Variants in ITGAV observed in about 807,000 individuals in gnomAD.
ITGAV encodes integrin alpha-V.
A neutral mutation model predicts 143.8 loss-of-function variants in ITGAV; 76 were observed. The ratio of observed to expected loss-of-function variants is 0.53; its 90% CI spans 0.44 to 0.64. The LOEUF is 0.64. Ranked by LOEUF, ITGAV falls within the 30% of genes least tolerant of loss-of-function variation. ITGAV has a pLI of 0.00. For synonymous variants in ITGAV, 453 were observed against 446.7 expected, an observed-to-expected ratio of 1.01 and a Z score of -0.18; for missense variants, 1,193 against 1,274.7, an observed-to-expected ratio of 0.94 and a Z score of 0.98.
intron 8 of ITGAV, among the ~76,000 whole-genome samples, chr2:186,637,337 C>T (rs1454914240): frequency 6.6e-6 from 1 of 151,660 alleles, no homozygotes; most frequent in African/African-American, 2.4e-5. Context: ...CAAAAATTAG[C>T]CGGGCGCGGT....
chr2:186,664,122 C>T (rs564784571), intron 19 of ITGAV, among the ~76,000 whole-genome samples: 1 of 152,172 alleles, frequency 6.6e-6, no homozygotes, highest in African/African-American at 2.4e-5. Context: ...TCTTTGAACT[C>T]AAGGAATATC....
chr2:186,677,230 G>A lies in ITGAV; in HGVS notation c.3085G>A (p.Glu1029Lys). The A allele has an allele frequency of 6.2e-7, 1 of 1,613,778 alleles. No individual in the cohort carries two copies. Among genetic ancestry groups the A allele is most frequent in the Non-Finnish European group, 8.5e-7 (1 of 1,179,810 alleles). ...GFFKRVRPPQ[E>K]EQEREQLQPH... ...TTTTAAACGGGTCCGGCCACCTCAA[G>A]AAGAACAAGAAAGGGAGCAGCTTCA... Residue 1029 changes from glutamate (E) to lysine (K), a missense_variant, in exon 30 of 30, where the codon GAA (glutamate) becomes AAA (lysine). Coordinates refer to ENST00000261023, the MANE Select transcript of ITGAV (RefSeq NM_002210.5).
chr2:186,601,932 A>G (rs1686918690), intron 1 of ITGAV, 89 bp from the exon 2 acceptor site: 1 of 1,304,888 alleles, frequency 7.7e-7, no homozygotes, highest in Non-Finnish European at 1.0e-6. Context: ...TATAGATAAT[A>G]TCAAGAGAAT....
intron 2 of ITGAV, among the ~76,000 whole-genome samples, chr2:186,605,985 A>AT (rs1025553811): frequency 6.6e-5 from 10 of 151,738 alleles, no homozygotes; most frequent in Non-Finnish European, 1.3e-4. Flanking sequence ...TTAAGACTTC[A>AT]TTTTTTTACA....
At chr2:186,617,474 T>C (rs1687397575) in intron 2 of ITGAV, among the ~76,000 whole-genome samples, 1 of 152,176 alleles carries the variant, frequency 6.6e-6, no homozygotes, top group Non-Finnish European at 1.5e-5. Flanking sequence ...TCATGGGAGT[T>C]TGATAAAATG....
Position 186,659,133 on chromosome 2 carries a change from A to T in ITGAV, c.1815A>T (p.Gln605His). The T allele has an allele frequency of 6.2e-7, 1 of 1,613,094 alleles. No homozygotes were observed. Residue 605 changes from glutamine to histidine, a missense_variant, in exon 18 of 30, where the codon CAA becomes CAT. Transcript: ENST00000261023. ...CAGCTGCTGATACAACAGGCTTGCA[A>T]CCCATTCTTAACCAGTTCACGCCTG... is the stretch of plus-strand genomic sequence containing the variant. ...YRTAADTTGLQPILNQFTPAN... is the reference protein window; with the variant it reads ...YRTAADTTGLHPILNQFTPAN...
chr2:186,644,540 G>A (rs905604296), intron 12 of ITGAV, among the ~76,000 whole-genome samples: 1 of 151,314 alleles, frequency 6.6e-6, no homozygotes, highest in Admixed American at 6.6e-5. Flanking sequence ...TGGCCAGGAT[G>A]GTCTCAATCT....
intron 18 of ITGAV, 85 bp from the exon 19 acceptor site, chr2:186,663,683 C>T: frequency 1.1e-6 from 1 of 927,496 alleles, no homozygotes. Flanking sequence ...TACATATAGG[C>T]TTAACCACAT....
intron 4 of ITGAV, 126 bp downstream of exon 4, chr2:186,625,713 A>T (rs1687660071): frequency 2.1e-6 from 1 of 482,092 alleles, no homozygotes; most frequent in Non-Finnish European, 3.7e-6. Flanking sequence ...TAGACATATT[A>T]TGATGATAAC....
chr2:186,658,899 T>G (rs1275200811), intron 17 of ITGAV, 139 bp from the exon 18 acceptor site: 13 of 550,726 alleles, frequency 2.4e-5, no homozygotes, highest in Non-Finnish European at 4.0e-5. Flanking sequence ...TATTTCTACA[T>G]AAGTATAATT....
chr2:186,601,369 G>T (rs1288715415), intron 1 of ITGAV, among the ~76,000 whole-genome samples: 2 of 151,876 alleles, frequency 1.3e-5, no homozygotes, highest in East Asian at 3.9e-4. Context: ...GCTGAGGTAG[G>T]AGGATCGCTT....
chr2:186,629,868 G>A (rs1324173038), intron 4 of ITGAV, among the ~76,000 whole-genome samples: 1 of 152,040 alleles, frequency 6.6e-6, no homozygotes, highest in Non-Finnish European at 1.5e-5. Flanking sequence ...AAAGTGTTCA[G>A]ATTCATCCTT....
rs921012957 is a variant in ITGAV at position 186,656,359 on chromosome 2, G to T, written c.1677G>T (p.Arg559Ser). The change falls in exon 17 of 30, where the codon AGG becomes AGT. Residue 559 changes from arginine to serine, a missense_variant. Arg to Ser is a moderately radical substitution (Grantham distance 110). Coordinates refer to ENST00000261023, the MANE Select transcript of ITGAV (RefSeq NM_002210.5). ...ACTCCAAGAACATGACTATTTCAAG[G>T]GGGGGACTGATGCAGTGTGAGGAAT... ...PSHSKNMTIS[R>S]GGLMQCEELI... The T allele has an allele frequency of 4.5e-6, 7 of 1,554,384 alleles. No individual in the cohort carries two copies. Among genetic ancestry groups the T allele is most frequent in the Middle Eastern group, 1.7e-4 (1 of 5,932 alleles).
At chr2:186,627,498 G>C (rs143417676) in intron 4 of ITGAV, among the ~76,000 whole-genome samples, 2 of 152,150 alleles carry the variant, frequency 1.3e-5, no homozygotes, top group Admixed American at 1.3e-4. Flanking sequence ...GAAAACATGC[G>C]TTCTAACAAT....
chr2:186,638,439 T>C lies in ITGAV; in HGVS notation c.877T>C (p.Ser293Pro). The C allele has an allele frequency of 6.2e-7, 1 of 1,611,654 alleles. No homozygotes were observed. Among genetic ancestry groups the C allele is most frequent in the Non-Finnish European group, 8.5e-7 (1 of 1,178,830 alleles). ...TATTTATGATGGGAAGAACATGTCC[T>C]CCTTATACAATTTTACTGGCGAGCA... ...VYIYDGKNMS[S>P]LYNFTGEQMA... The change falls in exon 10 of 30, where the codon TCC becomes CCC. Residue 293 changes from serine to proline, a missense_variant. By Grantham distance (74) the Ser-to-Pro change is moderately conservative (BLOSUM62 -1). Transcript: ENST00000261023.
intron 18 of ITGAV, 123 bp from the exon 19 acceptor site, chr2:186,663,645 G>T (rs968700071): frequency 1.7e-5 from 11 of 632,170 alleles, no homozygotes; most frequent in Non-Finnish European, 2.7e-5. Context: ...CAAACAAGCT[G>T]ATGAGTATCT....
intron 28 of ITGAV, 50 bp from the exon 29 acceptor site, chr2:186,676,763 G>A (rs758528884): frequency 7.7e-6 from 12 of 1,565,958 alleles, no homozygotes; most frequent in Non-Finnish European, 8.7e-6. Flanking sequence ...GATATTTGTT[G>A]ATTAAGTCAA....
In ITGAV at chr2:186,665,175, A is replaced by G; in HGVS notation, c.2123A>G (p.Gln708Arg). 3 of 1,612,026 alleles carry G rather than the reference A, an allele frequency of 1.9e-6. No homozygotes were observed. The highest frequency in any genetic ancestry group is 2.5e-6 in the Non-Finnish European group (3 of 1,179,462). The change falls in exon 21 of 30, where the codon CAG becomes CGG. Residue 708 changes from glutamine to arginine, a missense_variant. Transcript: ENST00000261023. Reference sequence around the variant, plus strand: ...TTTAAGACAGAAAACCAAACTCGCCAGGTGGTATGTGACCTTGGAAACCCA... The same window carrying G: ...TTTAAGACAGAAAACCAAACTCGCCGGGTGGTATGTGACCTTGGAAACCCA... ...CAFKTENQTR[Q>R]VVCDLGNPMK...
chr2:186,644,975 C>T lies in ITGAV; in HGVS notation c.1160-1711C>T, dbSNP rs547998329. ...CTTATTAAGGAGCTATGAGACAGCTCGTGTACATTAAGGAAATTGAGGCAA... is the reference window on the plus strand; with the variant it reads ...CTTATTAAGGAGCTATGAGACAGCTTGTGTACATTAAGGAAATTGAGGCAA... On this transcript the variant is annotated intron_variant, in intron 12 of 29. Coordinates refer to ENST00000261023, the MANE Select transcript of ITGAV (RefSeq NM_002210.5). Among the ~76,000 whole-genome samples, 8 of 152,098 alleles carry T rather than the reference C, an allele frequency of 5.3e-5. No individual in the cohort carries two copies. In the East Asian group the frequency reaches 1.5e-3, roughly 29 times the overall value.
Sources: gnomAD v4.1 joint callset for allele counts (sites outside exome capture counted in the v4.1 genomes callset) on GRCh38, gnomAD v4.1.1 for gene constraint, MANE v1.5 for transcripts, NCBI Gene and HGNC (gene_info 2026-07-23, HGNC 2026-07-21) for gene names.